UNC5C: variants seen among roughly 807,000 people sequenced by gnomAD.
UNC5C encodes netrin receptor UNC5C.
In UNC5C, 47 loss-of-function variants were observed where a neutral mutation model predicts 99.8. The ratio of observed to expected loss-of-function variants is 0.47; its 90% CI spans 0.37 to 0.60. The LOEUF (loss-of-function observed/expected upper bound fraction) is 0.60. Among genes scored for constraint, UNC5C ranks in the 20% least tolerant of loss-of-function variants. The probability of loss-of-function intolerance (pLI) is 0.00; values close to 1 mark genes in which losing one functional copy is unlikely to be tolerated. For missense variants in UNC5C, 1,062 were observed against 1,165.9 expected (o/e 0.91, Z 1.30); for synonymous variants, 487 against 452.2 (o/e 1.08, Z -0.98).
At chr4:95,493,617 A>G (rs907316439) in intron 1 of UNC5C, among the ~76,000 whole-genome samples, 2 of 151,328 alleles carry the variant, frequency 1.3e-5, no homozygotes, top group African/African-American at 2.4e-5. Context: ...ATTTCTTTCA[A>G]ATTTTCTTTC....
chr4:95,388,318 G>T (rs562392578), intron 1 of UNC5C, among the ~76,000 whole-genome samples: 2 of 152,076 alleles, frequency 1.3e-5, no homozygotes, highest in Non-Finnish European at 2.9e-5. Context: ...CTCATAGAAT[G>T]GTTTTAGAGA....
chr4:95,271,232 A>G (rs905665984), intron 4 of UNC5C, among the ~76,000 whole-genome samples: 1 of 112,284 alleles, frequency 8.9e-6, no homozygotes, highest in Non-Finnish European at 2.1e-5. Flanking sequence ...TTTTTTATTT[A>G]TTTTTTTTTT....
At chr4:95,518,713 A>G (rs1243189239) in intron 1 of UNC5C, among the ~76,000 whole-genome samples, 1 of 152,244 alleles carries the variant, frequency 6.6e-6, no homozygotes, top group Non-Finnish European at 1.5e-5. Context: ...AGAAGCAATC[A>G]AACAAGATCT....
At chr4:95,546,066 T>C (rs997466522) in intron 1 of UNC5C, among the ~76,000 whole-genome samples, 3 of 152,250 alleles carry the variant, frequency 2.0e-5, no homozygotes, top group Non-Finnish European at 4.4e-5. Context: ...TCTGAAGATA[T>C]ATATACATAC....
Position 95,361,558 on chromosome 4 carries a change from G to A in UNC5C, c.125-25927C>T, listed in dbSNP as rs182674671. On this transcript the variant is annotated intron_variant, in intron 1 of 15. Coordinates refer to ENST00000453304, the MANE Select transcript of UNC5C (RefSeq NM_003728.4). Reference sequence around the variant, plus strand: ...GTGTCTCCTGTGAGTGTGGGCTGCAGATCGAATGTCTGTGACTCTCTAAAA... The same window carrying A: ...GTGTCTCCTGTGAGTGTGGGCTGCAAATCGAATGTCTGTGACTCTCTAAAA... Among the ~76,000 whole-genome samples the A allele has an allele frequency of 2.6e-4, 39 of 152,310 alleles. No individual in the cohort carries two copies. The East Asian group carries it at 6.2e-3, about 24-fold the overall frequency.
chr4:95,343,531 C>A (rs1743656964), intron 1 of UNC5C, among the ~76,000 whole-genome samples: 2 of 151,946 alleles, frequency 1.3e-5, no homozygotes, highest in African/African-American at 4.8e-5. Context: ...GCACAGACAC[C>A]AATAAACATC....
In UNC5C at chr4:95,308,233, T is replaced by G. The variant is rs370285057; in HGVS notation, c.347-6484A>C. Among the ~76,000 whole-genome samples, 6 of 152,092 alleles carry G rather than the reference T, an allele frequency of 3.9e-5. No individual in the cohort carries two copies. In the East Asian group the frequency reaches 1.2e-3, roughly 29 times the overall value. On this transcript the variant is annotated intron_variant, in intron 2 of 15. Coordinates refer to ENST00000453304, the MANE Select transcript of UNC5C (RefSeq NM_003728.4). Reference sequence around the variant, plus strand: ...ATAAATTAAACAAAACGGTTAAAATTAATAAATGAATTCAGTACAGTTGCA... The same window carrying G: ...ATAAATTAAACAAAACGGTTAAAATGAATAAATGAATTCAGTACAGTTGCA...
chr4:95,521,210 C>CTTTTTTTTTTT (rs1722347623), intron 1 of UNC5C, among the ~76,000 whole-genome samples: 1 of 84,350 alleles, frequency 1.2e-5, no homozygotes, highest in Non-Finnish European at 2.2e-5. Flanking sequence ...TTTTTTTTTT[C>CTTTTTTTTTTT]TTTTTTCTTT....
chr4:95,422,484 G>GT (rs1380272918), intron 1 of UNC5C, among the ~76,000 whole-genome samples: 1 of 151,848 alleles, frequency 6.6e-6, no homozygotes, highest in Non-Finnish European at 1.5e-5. Flanking sequence ...TTTGAGACAT[G>GT]TTTTTTTCTC....
At chr4:95,483,208 C>G (rs1242501440) in intron 1 of UNC5C, among the ~76,000 whole-genome samples, 1 of 151,544 alleles carries the variant, frequency 6.6e-6, no homozygotes, top group Non-Finnish European at 1.5e-5. Flanking sequence ...AGTCTCACAC[C>G]AGCAAATAAT....
At chr4:95,292,690 G>A (rs1015456043) in intron 3 of UNC5C, among the ~76,000 whole-genome samples, 5 of 152,056 alleles carry the variant, frequency 3.3e-5, no homozygotes, top group East Asian at 1.9e-4. Flanking sequence ...AGGCAATTAC[G>A]TCCAGCTACC....
At chr4:95,442,913 G>A (rs1472867846) in intron 1 of UNC5C, among the ~76,000 whole-genome samples, 1 of 151,888 alleles carries the variant, frequency 6.6e-6, no homozygotes, top group Non-Finnish European at 1.5e-5. Flanking sequence ...TTATCATAAT[G>A]GTAACGCTGG....
chr4:95,477,006 T>G (rs1748169672), intron 1 of UNC5C, among the ~76,000 whole-genome samples: 1 of 152,088 alleles, frequency 6.6e-6, no homozygotes. Context: ...TGTGACTATG[T>G]GCATGAGTGT....
At chr4:95,213,516 C>T (rs1738146325) in intron 10 of UNC5C, among the ~76,000 whole-genome samples, 2 of 152,192 alleles carry the variant, frequency 1.3e-5, no homozygotes, top group African/African-American at 4.8e-5. Flanking sequence ...TGTTCAGCTG[C>T]CAGCCTGCAC....
intron 7 of UNC5C, among the ~76,000 whole-genome samples, chr4:95,232,054 A>C (rs1738932836): frequency 6.6e-6 from 1 of 152,180 alleles, no homozygotes; most frequent in Non-Finnish European, 1.5e-5. Flanking sequence ...TGAATAGTAG[A>C]TAATTAACAT....
intron 12 of UNC5C, among the ~76,000 whole-genome samples, chr4:95,193,534 G>A (rs2149356301): frequency 6.6e-6 from 1 of 152,224 alleles, no homozygotes; most frequent in African/African-American, 2.4e-5. Context: ...GCTGGCTGGT[G>A]TTTAAAAAAA....
At chr4:95,438,959 C>T (rs1193169648) in intron 1 of UNC5C, among the ~76,000 whole-genome samples, 5 of 152,102 alleles carry the variant, frequency 3.3e-5, no homozygotes, top group Non-Finnish European at 5.9e-5. Flanking sequence ...GAGGATAGGA[C>T]GAGGTCTTCC....
chr4:95,285,739 A>G (rs1033063062), intron 3 of UNC5C, among the ~76,000 whole-genome samples: 2 of 152,258 alleles, frequency 1.3e-5, no homozygotes, highest in African/African-American at 4.8e-5. Flanking sequence ...CTGAATGAAC[A>G]GAAGTTATCA....
chr4:95,305,452 A>G (rs1188421895), intron 2 of UNC5C, among the ~76,000 whole-genome samples: 3 of 152,172 alleles, frequency 2.0e-5, no homozygotes, highest in Non-Finnish European at 2.9e-5. Flanking sequence ...TGGAAAAAGC[A>G]AACTACCTTG....
Sources: allele counts gnomAD v4.1 joint callset (sites outside exome capture counted in the v4.1 genomes callset), GRCh38; gene constraint gnomAD v4.1.1; transcripts MANE v1.5; gene names NCBI Gene and HGNC (gene_info 2026-07-23, HGNC 2026-07-21).